The following SCN11A variants were observed in gnomAD, a reference collection of about 807,000 sequenced individuals.
SCN11A encodes sodium channel protein type 11 subunit alpha.
SCN11A carries 122 observed loss-of-function variants against 162.2 expected under a neutral mutation model. That is an observed-to-expected ratio of 0.75 (90% CI 0.65 to 0.87). The LOEUF is 0.87. SCN11A is among the 40% of genes least tolerant of loss of function. The pLI, the probability that SCN11A is intolerant of heterozygous loss-of-function variation, is 0.00. For missense variants in SCN11A, 2,015 were observed against 2,181.6 expected (o/e 0.92, Z 1.52); for synonymous variants, 758 against 751.5 (o/e 1.01, Z -0.14).
At position 38,977,511 on chromosome 3, in the gene SCN11A, G is replaced by T. The variant is rs182994699; in HGVS notation, c.-279-17088C>A. Among the ~76,000 whole-genome samples, 259 of 152,302 alleles carry T rather than the reference G, an allele frequency of 1.7e-3. 1 individual carries two copies. Among genetic ancestry groups the T allele is most frequent in the African/African-American group, 5.9e-3 (247 of 41,560 alleles). Reference sequence around the variant, plus strand: ...AGAGTCAATATTTGAAAACCCTTTAGAACATTGCTTGATACATCATAAGTG... The same window carrying T: ...AGAGTCAATATTTGAAAACCCTTTATAACATTGCTTGATACATCATAAGTG... On this transcript the variant is annotated intron_variant, in intron 2 of 29. Coordinates refer to ENST00000302328, the MANE Select transcript of SCN11A (RefSeq NM_001349253.2).
chr3:39,001,336 T>C (rs1210034342), intron 2 of SCN11A, among the ~76,000 whole-genome samples: 3 of 152,252 alleles, frequency 2.0e-5, no homozygotes, highest in Non-Finnish European at 2.9e-5. Context: ...TCTGTCTCTA[T>C]GAATCTGCCT....
intron 2 of SCN11A, among the ~76,000 whole-genome samples, chr3:39,005,472 C>T (rs575408996): frequency 2.0e-5 from 3 of 152,304 alleles, no homozygotes; most frequent in East Asian, 1.9e-4. Context: ...CCTCTGGCTT[C>T]GCATAATGAG....
intron 5 of SCN11A, among the ~76,000 whole-genome samples, chr3:38,948,754 C>T (rs1341031397): frequency 3.3e-5 from 5 of 152,108 alleles, no homozygotes; most frequent in African/African-American, 9.7e-5. Flanking sequence ...AGAATTACCA[C>T]CCAGGCTGGA....
intron 11 of SCN11A, among the ~76,000 whole-genome samples, chr3:38,916,295 C>T (rs185430596): frequency 6.6e-6 from 1 of 152,240 alleles, no homozygotes; most frequent in East Asian, 1.9e-4. Context: ...GGGCATTTAG[C>T]CCATTGACAT....
chr3:38,894,309 C>CT (rs2065549051), intron 19 of SCN11A, among the ~76,000 whole-genome samples: 1 of 152,200 alleles, frequency 6.6e-6, no homozygotes, highest in Non-Finnish European at 1.5e-5. Context: ...CCAGCCCACT[C>CT]TGATTTTGCT....
Position 38,900,053 on chromosome 3 carries a change from T to C in SCN11A, c.1863A>G (p.Ile621Met), listed in dbSNP as rs370738551. Residue 621 changes from isoleucine to methionine, a missense_variant, in exon 17 of 30, where the codon ATA (isoleucine) becomes ATG (methionine). Transcript: ENST00000302328. ...CAATGATTTTTAGGCACATTTCTGCTATAAAAATGCTAGTGAAAACCTAGA... is the reference window on the plus strand; with the variant it reads ...CAATGATTTTTAGGCACATTTCTGCCATAAAAATGCTAGTGAAAACCTAGA... ...IGNLVFTSIF[I>M]AEMCLKIIAL... 101 of 1,613,942 alleles carry C rather than the reference T, an allele frequency of 6.3e-5. No individual in the cohort carries two copies. The highest frequency in any genetic ancestry group is 7.4e-5 in the Non-Finnish European group (87 of 1,179,902).
Position 38,920,790 on chromosome 3 carries a change from T to C in SCN11A, c.892+286A>G, listed in dbSNP as rs532517043. Among the ~76,000 whole-genome samples, 126 of 152,154 alleles carry C rather than the reference T, an allele frequency of 8.3e-4. 1 individual carries two copies. The highest frequency in any genetic ancestry group is 3.0e-3 in the African/African-American group (125 of 41,500). On this transcript the variant is annotated intron_variant, in intron 10 of 29. Transcript: ENST00000302328. Reference sequence around the variant, plus strand: ...CAAATCCAAGCATTCTAAAAACTTCTGCAAATCATTACAAAGAAGTGGGCA... The same window carrying C: ...CAAATCCAAGCATTCTAAAAACTTCCGCAAATCATTACAAAGAAGTGGGCA...
At chr3:39,002,109 G>A (rs1229110387) in intron 2 of SCN11A, among the ~76,000 whole-genome samples, 3 of 151,920 alleles carry the variant, frequency 2.0e-5, no homozygotes, top group African/African-American at 7.3e-5. Context: ...GAAATCAATT[G>A]ACCATAGATG....
chr3:38,902,182 C>T (rs1032398071), intron 16 of SCN11A, among the ~76,000 whole-genome samples: 2 of 152,156 alleles, frequency 1.3e-5, no homozygotes, highest in East Asian at 3.9e-4. Flanking sequence ...CTGACCATGC[C>T]CCTATAGACA....
intron 28 of SCN11A, among the ~76,000 whole-genome samples, chr3:38,858,486 T>C (rs1401353430): frequency 6.6e-6 from 1 of 152,138 alleles, no homozygotes; most frequent in African/African-American, 2.4e-5. Flanking sequence ...TAAATATATG[T>C]GTACCTAACA....
rs774589923 is a variant in SCN11A at position 38,846,799 on chromosome 3, A to ACCTTGGTCAC, written c.5261_5270dup (p.Asp1758Ter). 2 of 1,613,978 alleles carry ACCTTGGTCAC rather than the reference A, an allele frequency of 1.2e-6. No individual in the cohort carries two copies. Among genetic ancestry groups the ACCTTGGTCAC allele is most frequent in the African/African-American group, 1.3e-5 (1 of 74,980 alleles). ...GCCCGTTTTCCAAGTCATTTTGGTC[A>ACCTTGGTCAC]CCTTGGTCACCCTTGGTCACCTTCA... On this transcript the variant is annotated stop_gained and frameshift_variant, in exon 30 of 30. Transcript: ENST00000302328. LOFTEE classifies it low-confidence loss of function (END_TRUNC).
chr3:38,880,788 T>G (rs1279098755), intron 22 of SCN11A, among the ~76,000 whole-genome samples: 1 of 152,196 alleles, frequency 6.6e-6, no homozygotes, highest in African/African-American at 2.4e-5. Flanking sequence ...ATCCTGGCTT[T>G]CAGAGAGACC....
intron 3 of SCN11A, among the ~76,000 whole-genome samples, chr3:38,954,336 A>G (rs929940005): frequency 2.8e-4 from 43 of 152,246 alleles, no homozygotes; most frequent in African/African-American, 9.6e-4. Flanking sequence ...AGTCTTTTGC[A>G]GTGAACACAA....
At chr3:38,850,273 G>A in intron 29 of SCN11A, 1 of 550,798 alleles carries the variant, frequency 1.8e-6, no homozygotes. Context: ...TTTCAGTTGT[G>A]TAGTGAGTTA....
intron 7 of SCN11A, among the ~76,000 whole-genome samples, chr3:38,934,563 G>A (rs1162615757): frequency 6.6e-6 from 1 of 151,982 alleles, no homozygotes; most frequent in Admixed American, 6.6e-5. Context: ...ACAAAAAAAG[G>A]CAGGGGTTGC....
At chr3:38,901,225 A>C (rs4496420) in intron 16 of SCN11A, among the ~76,000 whole-genome samples, 93,404 of 151,996 alleles carry the variant, frequency 0.61, 29,082 homozygotes, top group Admixed American at 0.67. Context: ...TAAAATGGCA[A>C]AAGTTAAAGA....
intron 2 of SCN11A, among the ~76,000 whole-genome samples, chr3:38,966,900 T>A (rs185371519): frequency 6.6e-5 from 10 of 152,332 alleles, no homozygotes; most frequent in Non-Finnish European, 1.2e-4. Context: ...TTGGTTTGGG[T>A]TCCCCCAGAA....
chr3:38,873,958 C>T (rs549689919), intron 23 of SCN11A, among the ~76,000 whole-genome samples: 1 of 152,182 alleles, frequency 6.6e-6, no homozygotes, highest in South Asian at 2.1e-4. Flanking sequence ...TTGGTGAATA[C>T]CTAGGTTATT....
chr3:38,925,565 C>CAGG, intron 8 of SCN11A, 56 bp from the exon 9 acceptor site: 1 of 1,210,554 alleles, frequency 8.3e-7, no homozygotes, highest in Non-Finnish European at 1.2e-6. Flanking sequence ...AGCTGCACTG[C>CAGG]ACATCTCCAC....
Sources: allele counts gnomAD v4.1 joint callset (sites outside exome capture counted in the v4.1 genomes callset), GRCh38; gene constraint gnomAD v4.1.1; transcripts MANE v1.5; gene names NCBI Gene and HGNC (gene_info 2026-07-23, HGNC 2026-07-21).